Variants in LILRB4 observed in about 807,000 individuals in gnomAD.
The protein encoded by LILRB4 is leukocyte immunoglobulin like receptor B4.
LILRB4 carries 49 observed loss-of-function variants against 55.2 expected under a neutral mutation model. The ratio of observed to expected loss-of-function variants is 0.89; its 90% confidence interval spans 0.71 to 1.13. The LOEUF (loss-of-function observed/expected upper bound fraction) is 1.13, where lower values mean the gene tolerates loss of function less well. Among genes scored for constraint, LILRB4 ranks in the 50% most tolerant of loss-of-function variants. The probability of loss-of-function intolerance (pLI) is 0.00; values close to 1 mark genes in which losing one functional copy is unlikely to be tolerated. For synonymous variants in LILRB4, 229 were observed against 213.8 expected (o/e 1.07, Z -0.62); for missense variants, 590 against 555.2 (o/e 1.06, Z -0.63).
rs187379276 is a variant in LILRB4, at chr19:54,666,599, G to A, written c.989-98G>A. On this transcript the variant is annotated intron_variant, in intron 9 of 11. Transcript: ENST00000430952. The surrounding 1 kb of genome is among the most constrained non-coding windows in gnomAD (Gnocchi z 4.8). ...CGGGGACATCACAGCCCCTCCCTGCGTTGCAGTGGCACTAATGGGAACAGG... is the reference window on the plus strand; with the variant it reads ...CGGGGACATCACAGCCCCTCCCTGCATTGCAGTGGCACTAATGGGAACAGG... 1.2e-4 allele frequency: 169 copies of A among 1,452,066 alleles called. No individual in the cohort carries two copies. The highest frequency in any genetic ancestry group is 6.4e-4 in the Admixed American group (37 of 57,436). 89.9% of individuals were successfully genotyped at this position (1,452,066 alleles called of 1,614,324 possible).
At chr19:54,664,622 AG>A in intron 4 of LILRB4, 137 bp downstream of exon 4, 1 of 1,073,572 alleles carries the variant, frequency 9.3e-7, no homozygotes, top group Non-Finnish European at 1.3e-6. Context: ...GGAGGACAAC[AG>A]GGGCCCTCCC....
chr19:54,664,141 G>A lies in LILRB4; in HGVS notation c.356-45G>A, dbSNP rs1234180844. Reference sequence around the variant, plus strand: ...CACAGCCCAGCCCTGGGGATGATGTGGGAGGTGGGAGCCCCATTTAACACG... The same window carrying A: ...CACAGCCCAGCCCTGGGGATGATGTAGGAGGTGGGAGCCCCATTTAACACG... On this transcript the variant is annotated intron_variant, in intron 3 of 11. Coordinates refer to ENST00000430952, the Ensembl canonical transcript of LILRB4. 2.9e-4 allele frequency: 325 copies of A among 1,128,900 alleles called. 1 individual carries two copies. Among genetic ancestry groups the A allele is most frequent in the Non-Finnish European group, 3.6e-4 (300 of 821,942 alleles). 69.9% of individuals were successfully genotyped at this position (1,128,900 alleles called of 1,614,324 possible). A position where few individuals can be genotyped will look rare whatever the true frequency, so the allele number is the denominator to read the frequency against.
Position 54,666,081 on chromosome 19 carries a change from G to A in LILRB4, c.874+150G>A, listed in dbSNP as rs2065249405. ...TAGAAAGAAGAAAATGAATGAGGGA[G>A]TAATGGAAGTGCTTTATTCTTTCGG... On this transcript the variant is annotated intron_variant, in intron 7 of 11. Transcript: ENST00000430952. The surrounding 1 kb of genome is among the most constrained non-coding windows in gnomAD (Gnocchi z 4.8). 3 of 1,233,812 alleles carry A rather than the reference G, an allele frequency of 2.4e-6. No individual in the cohort carries two copies. The highest frequency in any genetic ancestry group is 1.4e-5 in the South Asian group (1 of 69,196). The allele number at this position is 1,233,812 out of a possible 1,614,324, so 76.4% of individuals were successfully genotyped here.
chr19:54,666,806 T>A lies in LILRB4; in HGVS notation c.1041+57T>A, dbSNP rs147432725. On this transcript the variant is annotated intron_variant, in intron 10 of 11. Transcript: ENST00000430952. The surrounding 1 kb of genome is among the most constrained non-coding windows in gnomAD (Gnocchi z 4.8). ...GGCCTCCTGGTGCCAGATCTAATCC[T>A]GCAGGACTTCTCTGTCCTCCTTCCC... 838 of 1,507,022 alleles carry A rather than the reference T, an allele frequency of 5.6e-4. 4 individuals carry two copies. In the African/African-American group the frequency reaches 6.3e-3, roughly 11 times the overall value. The allele number at this position is 1,507,022 out of a possible 1,614,324, so 93.4% of individuals were successfully genotyped here. A position where few individuals can be genotyped will look rare whatever the true frequency, so the allele number is the denominator to read the frequency against.
In LILRB4 at chr19:54,663,894, A is replaced by T. The variant is rs749681306; in HGVS notation, c.211A>T (p.Arg71Ter). 8.1e-6 allele frequency: 13 copies of T among 1,614,052 alleles called. No individual in the cohort carries two copies. Among genetic ancestry groups the T allele is most frequent in the Non-Finnish European group, 1.1e-5 (13 of 1,180,010 alleles). ...AGAGGAAAGCCCAGCACCCTGGGACAGACAGAACCCACTGGAGCCCAAGAA... is the reference window on the plus strand; with the variant it reads ...AGAGGAAAGCCCAGCACCCTGGGACTGACAGAACCCACTGGAGCCCAAGAA... Residue 71 changes from arginine to a stop codon, truncating the protein, a stop_gained, in exon 3 of 12, where the codon AGA (arginine) becomes TGA (stop). Coordinates refer to ENST00000430952, the Ensembl canonical transcript of LILRB4. LOFTEE classifies it high-confidence loss of function.
exon 12 of LILRB4, chr19:54,667,955 C>T: frequency 6.2e-7 from 1 of 1,613,976 alleles, no homozygotes. Context: ...ACTGAGCCTC[C>T]TCCATCCCAG....
At chr19:54,664,103 G>A in intron 3 of LILRB4, 65 bp downstream of exon 3, 2 of 1,600,106 alleles carry the variant, frequency 1.2e-6, no homozygotes, top group Non-Finnish European at 1.7e-6. Flanking sequence ...AGCTCTCAGG[G>A]GCATCTCCCT....
At chr19:54,664,418 C>T (rs780527616) in exon 4 of LILRB4, 1 of 1,613,948 alleles carries the variant, frequency 6.2e-7, no homozygotes, top group African/African-American at 1.3e-5. Flanking sequence ...ACAGGTGCTT[C>T]AGCTCACACG....
At chr19:54,663,816 G>A (rs764603029) in exon 3 of LILRB4, 5 of 1,614,086 alleles carry the variant, frequency 3.1e-6, no homozygotes, top group Non-Finnish European at 3.4e-6. Context: ...GGGGAACTCT[G>A]TGACCATCTG....
In LILRB4 at chr19:54,666,370, T is replaced by C. The variant is rs763748161; in HGVS notation, c.951-29T>C. 1.9e-6 allele frequency: 3 copies of C among 1,612,972 alleles called. No individual in the cohort carries two copies. In the Admixed American group the frequency reaches 5.0e-5, roughly 27 times the overall value. ...ACCCATCCCAACAGCCACCTCACTG[T>C]CCCCTTACACTCCCGTATCCTCCCC... On this transcript the variant is annotated intron_variant, in intron 8 of 11. Transcript: ENST00000430952. This position sits in a 1 kb window ranked among gnomAD's most constrained non-coding sequence, Gnocchi z 4.8.
intron 3 of LILRB4, 41 bp from the exon 4 acceptor site, chr19:54,664,145 G>C: frequency 8.8e-7 from 1 of 1,131,560 alleles, no homozygotes; most frequent in Non-Finnish European, 1.2e-6. Flanking sequence ...TGATGTGGGA[G>C]GTGGGAGCCC....
In LILRB4 at chr19:54,663,648, A is replaced by G. The variant is rs985066562; in HGVS notation, c.70+81A>G. 1.9e-6 allele frequency: 3 copies of G among 1,611,564 alleles called. No homozygotes were observed. In the African/African-American group the frequency reaches 4.0e-5, roughly 22 times the overall value. On this transcript the variant is annotated intron_variant, in intron 2 of 11. Coordinates refer to ENST00000430952, the Ensembl canonical transcript of LILRB4. Reference sequence around the variant, plus strand: ...CCCATGGGCAGCTGGGGGAGGAGACAGCAGTTCTGGGTGACTGATGAGGAT... The same window carrying G: ...CCCATGGGCAGCTGGGGGAGGAGACGGCAGTTCTGGGTGACTGATGAGGAT...
exon 12 of LILRB4, chr19:54,668,051 G>A: frequency 6.2e-7 from 1 of 1,612,924 alleles, no homozygotes; most frequent in Non-Finnish European, 8.5e-7. Flanking sequence ...ACAAGCCATG[G>A]AGACTCAGGA....
rs1749316 is a variant in LILRB4 at position 54,665,335 on chromosome 19, C to T, written c.757+155C>T. 245,603 of 873,154 alleles carry T rather than the reference C, an allele frequency of 0.28. 35,935 individuals carry two copies. The highest frequency in any genetic ancestry group is 0.3 in the Non-Finnish European group (216,093 of 727,900). 54.1% of individuals were successfully genotyped at this position (873,154 alleles called of 1,614,324 possible). ...TCCAAGTGTAAAGGAGAGAGGCCTGCGGGTGGGAAAGTTCCTTTCAGCTCT... is the reference window on the plus strand; with the variant it reads ...TCCAAGTGTAAAGGAGAGAGGCCTGTGGGTGGGAAAGTTCCTTTCAGCTCT... On this transcript the variant is annotated intron_variant, in intron 6 of 11. Coordinates refer to ENST00000430952, the Ensembl canonical transcript of LILRB4. This position sits in a 1 kb window ranked among gnomAD's most constrained non-coding sequence, Gnocchi z 5.5.
rs761460296 is a variant in LILRB4 at position 54,664,041 on chromosome 19, G to A, written c.355+3G>A. ...CCCCCTGGAGCTGGTGATGACAGGTGAGAGGACACTCAGGGGTCCCAGCCC... is the reference window on the plus strand; with the variant it reads ...CCCCCTGGAGCTGGTGATGACAGGTAAGAGGACACTCAGGGGTCCCAGCCC... On this transcript the variant is annotated splice_donor_region_variant and intron_variant, in intron 3 of 11. Coordinates refer to ENST00000430952, the Ensembl canonical transcript of LILRB4. 1 of 1,613,538 alleles carries A rather than the reference G, an allele frequency of 6.2e-7. No homozygotes were observed. The highest frequency in any genetic ancestry group is 8.5e-7 in the Non-Finnish European group (1 of 1,179,758).
At position 54,665,952 on chromosome 19, in the gene LILRB4, C is replaced by T. The variant is rs753407133; in HGVS notation, c.874+21C>T. 2 of 1,613,644 alleles carry T rather than the reference C, an allele frequency of 1.2e-6. No homozygotes were observed. The highest frequency in any genetic ancestry group is 2.2e-5 in the South Asian group (2 of 91,046). ...ATTGGGTAAGTAGGAAATTGGGGGA[C>T]CCGTGGGCTGATGGAGGGTGGGCTC... On this transcript the variant is annotated intron_variant, in intron 7 of 11. Transcript: ENST00000430952. The surrounding 1 kb of genome is among the most constrained non-coding windows in gnomAD (Gnocchi z 5.5).
At position 54,665,246 on chromosome 19, in the gene LILRB4, A is replaced by G; in HGVS notation, c.757+66A>G. 4.7e-6 allele frequency: 7 copies of G among 1,504,056 alleles called. No homozygotes were observed. Among genetic ancestry groups the G allele is most frequent in the Non-Finnish European group, 6.3e-6 (7 of 1,110,652 alleles). 93.2% of individuals were successfully genotyped at this position (1,504,056 alleles called of 1,614,324 possible). A position where few individuals can be genotyped will look rare whatever the true frequency, so the allele number is the denominator to read the frequency against. ...GGGAGCCAAGGGTGGGTTCTGTCCT[A>G]GGTTAAGGCTCCTCTGGAGGTGGTG... is the stretch of plus-strand genomic sequence containing the variant. On this transcript the variant is annotated intron_variant, in intron 6 of 11. Transcript: ENST00000430952. The surrounding 1 kb of genome is among the most constrained non-coding windows in gnomAD (Gnocchi z 5.5).
rs994358008 is a variant in LILRB4, at chr19:54,666,995, C to T, written c.1041+246C>T. On this transcript the variant is annotated intron_variant, in intron 10 of 11. Coordinates refer to ENST00000430952, the Ensembl canonical transcript of LILRB4. The surrounding 1 kb of genome is among the most constrained non-coding windows in gnomAD (Gnocchi z 4.8). ...TTGGCCATCTGGTTGTTAGAGAGCT[C>T]CCCAGGCCTCAGGAGGATGACGAAT... 5 of 699,680 alleles carry T rather than the reference C, an allele frequency of 7.1e-6. No individual in the cohort carries two copies. Among genetic ancestry groups the T allele is most frequent in the African/African-American group, 7.0e-5 (4 of 57,002 alleles). 43.3% of individuals were successfully genotyped at this position (699,680 alleles called of 1,614,324 possible). A position where few individuals can be genotyped will look rare whatever the true frequency, so the allele number is the denominator to read the frequency against.
chr19:54,664,205 C>A (rs758889691), exon 4 of LILRB4: 12 of 1,613,442 alleles, frequency 7.4e-6, no homozygotes, highest in Non-Finnish European at 1.0e-5. Flanking sequence ...GTAAACCCAC[C>A]CTTTCAGCCC....
Sources: allele counts gnomAD v4.1 joint callset, GRCh38; gene constraint gnomAD v4.1.1; non-coding constraint Gnocchi (gnomAD v3.1); transcripts MANE v1.5; gene names NCBI Gene and HGNC (gene_info 2026-07-23, HGNC 2026-07-21).